Variants in GSN observed in about 807,000 individuals in gnomAD.
The protein encoded by GSN is gelsolin, also known as actin-depolymerizing factor.
In GSN, 56 loss-of-function variants were observed where a neutral mutation model predicts 85.7. That is an observed-to-expected ratio of 0.65 (90% CI 0.53 to 0.82). The LOEUF (loss-of-function observed/expected upper bound fraction) is 0.82. Ranked by LOEUF, GSN falls within the 40% of genes least tolerant of loss-of-function variation. GSN has a pLI of 0.00. For synonymous variants in GSN, 373 were observed against 399.1 expected (o/e 0.93, Z 0.78); for missense variants, 857 against 979.8 (o/e 0.87, Z 1.67).
chr9:121,310,642 G>A (rs1377733701), intron 4 of GSN, 42 bp from the exon 5 acceptor site: 4 of 1,604,046 alleles, frequency 2.5e-6, no homozygotes, highest in Non-Finnish European at 3.4e-6. Context: ...TGCTTCCCTG[G>A]GCCTTCTCCC....
rs191507694 is a variant in GSN at position 121,260,031 on chromosome 9, C to T, written c.-340-5123C>T. 3.3e-5 allele frequency among the ~76,000 whole-genome samples: 5 copies of T among 152,322 alleles called. No individual in the cohort carries two copies. The East Asian group carries it at 9.6e-4, about 29-fold the overall frequency. On this transcript the variant is annotated intron_variant, in intron 6 of 24. Coordinates refer to the GSN transcript ENST00000373823. Reference sequence around the variant, plus strand: ...ACAAATTTGATATAAGATTTCTAGCCAGCTAAGACTTTGGAGAATGGCTGT... The same window carrying T: ...ACAAATTTGATATAAGATTTCTAGCTAGCTAAGACTTTGGAGAATGGCTGT...
intron 4 of GSN, among the ~76,000 whole-genome samples, chr9:121,225,805 T>G (rs1024343508): frequency 1.3e-5 from 2 of 152,046 alleles, no homozygotes; most frequent in African/African-American, 4.8e-5. Flanking sequence ...CTCACAGGTA[T>G]TTTTTCTTCT....
At chr9:121,305,194 C>T (rs1295038732) in intron 4 of GSN, among the ~76,000 whole-genome samples, 2 of 152,126 alleles carry the variant, frequency 1.3e-5, no homozygotes, top group Non-Finnish European at 2.9e-5. Context: ...TAACCCTTAC[C>T]GTGTGTTAAG....
At chr9:121,236,385 A>C (rs990338626) in intron 5 of GSN, among the ~76,000 whole-genome samples, 1 of 151,754 alleles carries the variant, frequency 6.6e-6, no homozygotes, top group Admixed American at 6.6e-5. Flanking sequence ...ACGGCCGGCA[A>C]ATTTTTGTAT....
chr9:121,288,022 G>A (rs981108652), intron 2 of GSN, among the ~76,000 whole-genome samples: 3 of 152,082 alleles, frequency 2.0e-5, no homozygotes, highest in Non-Finnish European at 4.4e-5. Flanking sequence ...AACTTCCTGG[G>A]CTCAAGCGAT....
chr9:121,219,548 A>C (rs2054129143), intron 4 of GSN, among the ~76,000 whole-genome samples: 1 of 152,236 alleles, frequency 6.6e-6, no homozygotes, highest in African/African-American at 2.4e-5. Context: ...GGGGCTGAGA[A>C]GACCCTGAAA....
At chr9:121,310,935 G>C (rs2061052477) in intron 5 of GSN, 90 bp downstream of exon 5, 5 of 1,213,122 alleles carry the variant, frequency 4.1e-6, no homozygotes, top group South Asian at 2.5e-5. Context: ...CAAATGCATA[G>C]ATGCAGGTGG....
At chr9:121,255,886 C>T (rs2054947341) in intron 6 of GSN, among the ~76,000 whole-genome samples, 1 of 152,098 alleles carries the variant, frequency 6.6e-6, no homozygotes, top group South Asian at 2.1e-4. Flanking sequence ...TCCAATTGTC[C>T]TTTTTCATCT....
intron 4 of GSN, among the ~76,000 whole-genome samples, chr9:121,226,598 G>A (rs762983999): frequency 1.8e-4 from 28 of 152,216 alleles, no homozygotes; most frequent in Non-Finnish European, 3.4e-4. Flanking sequence ...GTCTCTGCCC[G>A]AGTCCCTGGC....
intron 3 of GSN, chr9:121,210,670 G>T (rs1275094487): frequency 6.6e-6 from 1 of 152,184 alleles, no homozygotes; most frequent in Non-Finnish European, 1.5e-5. Context: ...ACATGCATGT[G>T]GTTTGGCAAC....
chr9:121,226,367 C>G (rs183923454), intron 4 of GSN, among the ~76,000 whole-genome samples: 2 of 152,282 alleles, frequency 1.3e-5, no homozygotes, highest in Admixed American at 6.5e-5. Context: ...TGAAGGAAAG[C>G]TATGAGGAAA....
intron 1 of GSN, among the ~76,000 whole-genome samples, chr9:121,271,137 A>G (rs568354001): frequency 6.6e-6 from 1 of 152,274 alleles, no homozygotes; most frequent in African/African-American, 2.4e-5. Context: ...TGGGAGGCCG[A>G]GTTGGGTTGA....
At chr9:121,230,061 A>G (rs944764540) in intron 4 of GSN, among the ~76,000 whole-genome samples, 4 of 152,216 alleles carry the variant, frequency 2.6e-5, no homozygotes, top group African/African-American at 9.6e-5. Flanking sequence ...CAGTGTGTAG[A>G]AATCCTTTCT....
At chr9:121,226,180 C>T (rs2054269621) in intron 4 of GSN, among the ~76,000 whole-genome samples, 1 of 152,194 alleles carries the variant, frequency 6.6e-6, no homozygotes, top group African/African-American at 2.4e-5. Flanking sequence ...CACCCAGGCT[C>T]TTCAAGTCAT....
At chr9:121,245,385 C>T (rs993034558) in intron 5 of GSN, among the ~76,000 whole-genome samples, 4 of 152,170 alleles carry the variant, frequency 2.6e-5, no homozygotes, top group African/African-American at 9.7e-5. Flanking sequence ...GAGTCAGGGT[C>T]TCACTCTGTC....
At chr9:121,326,850 TCCCC>T (rs900161971) in intron 13 of GSN, 168 bp downstream of exon 13, 4 of 781,870 alleles carry the variant, frequency 5.1e-6, no homozygotes, top group African/African-American at 3.4e-5. Flanking sequence ...TGTCTTAGAC[TCCCC>T]CCTGTTTCAA....
Position 121,299,749 on chromosome 9 carries a change from C to T in GSN, c.-9-2214C>T, listed in dbSNP as rs1055683223. 46 of 1,128,172 alleles carry T rather than the reference C, an allele frequency of 4.1e-5. No homozygotes were observed. The highest frequency in any genetic ancestry group is 1.5e-4 in the South Asian group (5 of 33,518). The allele number at this position is 1,128,172 out of a possible 1,614,324, so 69.9% of individuals were successfully genotyped here. On this transcript the variant is annotated intron_variant, in intron 2 of 17. Coordinates refer to ENST00000432226, the MANE Select transcript of GSN (RefSeq NM_198252.3). This position sits in a 1 kb window ranked among gnomAD's most constrained non-coding sequence, Gnocchi z 4.2. ...CAAGATCCGAGACAGATCCCCGCCC[C>T]GCGCCCTCCCTGGGGGGCGGTCCCC...
intron 5 of GSN, among the ~76,000 whole-genome samples, chr9:121,247,649 T>A (rs2054727789): frequency 6.6e-6 from 1 of 152,216 alleles, no homozygotes; most frequent in African/African-American, 2.4e-5. Context: ...GCTGTGGGTA[T>A]TCTGTAGCAT....
chr9:121,286,566 G>A (rs758011594), intron 2 of GSN: 15 of 1,458,046 alleles, frequency 1.0e-5, no homozygotes, highest in Non-Finnish European at 1.4e-5. Context: ...CCGTGGCTCT[G>A]TTGGGCCATG....
Sources: allele counts gnomAD v4.1 joint callset (sites outside exome capture counted in the v4.1 genomes callset), GRCh38; gene constraint gnomAD v4.1.1; non-coding constraint Gnocchi (gnomAD v3.1); transcripts MANE v1.5; gene names NCBI Gene and HGNC (gene_info 2026-07-23, HGNC 2026-07-21).